Variants in MITF observed in about 807,000 individuals in gnomAD.
MITF encodes the protein melanocyte inducing transcription factor.
Under a neutral mutation model 60.5 loss-of-function variants are expected in MITF, and 17 were observed. The ratio of observed to expected loss-of-function variants is 0.28; its 90% CI spans 0.19 to 0.42. MITF has a LOEUF of 0.42. Ranked by LOEUF, MITF falls within the 10% of genes least tolerant of loss-of-function variation. The probability of loss-of-function intolerance (pLI) is 1.00; values close to 1 mark genes in which losing one functional copy is unlikely to be tolerated. For missense variants in MITF, 622 were observed against 683.5 expected (o/e 0.91, Z 1.00); for synonymous variants, 260 against 248.5 (o/e 1.05, Z -0.43).
chr3:69,818,138 T>A (rs1473117277), intron 1 of MITF, among the ~76,000 whole-genome samples: 2 of 152,232 alleles, frequency 1.3e-5, no homozygotes, highest in African/African-American at 2.4e-5. Flanking sequence ...TTAAGTCTAA[T>A]CTGTTCCCCT....
intron 1 of MITF, among the ~76,000 whole-genome samples, chr3:69,820,885 A>G (rs904865043): frequency 4.6e-5 from 7 of 152,022 alleles, no homozygotes; most frequent in African/African-American, 1.7e-4. Context: ...ATATATACAC[A>G]TTCAATAAAA....
At chr3:69,900,071 CTT>C (rs1342768033) in intron 2 of MITF, among the ~76,000 whole-genome samples, 1 of 152,054 alleles carries the variant, frequency 6.6e-6, no homozygotes, top group Non-Finnish European at 1.5e-5. Flanking sequence ...TCAAAGAAGT[CTT>C]TGCATATTAG....
At chr3:69,938,307 T>G (rs1230054106) in intron 3 of MITF, 7 of 1,529,442 alleles carry the variant, frequency 4.6e-6, no homozygotes, top group Non-Finnish European at 6.2e-6. Flanking sequence ...GCCACTTGCT[T>G]CTTCTTCCTT....
chr3:69,812,650 C>T (rs539304298), intron 1 of MITF, among the ~76,000 whole-genome samples: 1 of 152,224 alleles, frequency 6.6e-6, no homozygotes, highest in African/African-American at 2.4e-5. Context: ...AGATAGAGTT[C>T]AATTTTTTCA....
intron 3 of MITF, 105 bp downstream of exon 3, chr3:69,938,154 A>T: frequency 1.5e-6 from 2 of 1,311,324 alleles, no homozygotes; most frequent in South Asian, 1.3e-5. Context: ...CCTTGTGGCC[A>T]CATTTACCAG....
intron 1 of MITF, among the ~76,000 whole-genome samples, chr3:69,770,929 G>T (rs1030523361): frequency 1.3e-5 from 2 of 152,096 alleles, no homozygotes; most frequent in Non-Finnish European, 2.9e-5. Flanking sequence ...TCTAGGTGTG[G>T]GCTTAGCATT....
intron 2 of MITF, among the ~76,000 whole-genome samples, chr3:69,911,004 A>G (rs2065212382): frequency 6.6e-6 from 1 of 152,036 alleles, no homozygotes; most frequent in African/African-American, 2.4e-5. Flanking sequence ...CCAAATCTCA[A>G]CTTGAATTGT....
At chr3:69,766,652 T>A (rs979894459) in intron 1 of MITF, among the ~76,000 whole-genome samples, 8 of 152,178 alleles carry the variant, frequency 5.3e-5, no homozygotes, top group African/African-American at 1.9e-4. Flanking sequence ...TCTGTGCTGC[T>A]ACCTACTCAT....
In MITF at chr3:69,889,167, G is replaced by A. The variant is rs2064701277; in HGVS notation, c.354+9784G>A. 2.0e-5 allele frequency among the ~76,000 whole-genome samples: 3 copies of A among 150,236 alleles called. No individual in the cohort carries two copies. In the Admixed American group the frequency reaches 2.0e-4, roughly 10 times the overall value. ...CTCTTACCCTTAGTATCCAAGCACTGTAGTGCATTATAGTTTGAATGCCAG... is the reference window on the plus strand; with the variant it reads ...CTCTTACCCTTAGTATCCAAGCACTATAGTGCATTATAGTTTGAATGCCAG... On this transcript the variant is annotated intron_variant, in intron 2 of 9. Coordinates refer to ENST00000352241, the MANE Select transcript of MITF (RefSeq NM_001354604.2).
chr3:69,921,051 G>A (rs138343145), intron 2 of MITF, among the ~76,000 whole-genome samples: 2 of 152,184 alleles, frequency 1.3e-5, no homozygotes, highest in African/African-American at 2.4e-5. Context: ...TGTAGTTTTA[G>A]TAGAGACAGG....
At chr3:69,896,433 A>G (rs576635534) in intron 2 of MITF, among the ~76,000 whole-genome samples, 1 of 152,196 alleles carries the variant, frequency 6.6e-6, no homozygotes, top group Non-Finnish European at 1.5e-5. Context: ...CATTAGAAGC[A>G]TCTATACTTG....
At chr3:69,803,363 T>C (rs1322655600) in intron 1 of MITF, among the ~76,000 whole-genome samples, 3 of 152,196 alleles carry the variant, frequency 2.0e-5, no homozygotes, top group African/African-American at 7.2e-5. Flanking sequence ...GTTTTATCAT[T>C]TCATTGCAAG....
chr3:69,824,912 G>T (rs932295280), intron 1 of MITF, among the ~76,000 whole-genome samples: 7 of 152,236 alleles, frequency 4.6e-5, no homozygotes, highest in Non-Finnish European at 7.3e-5. Flanking sequence ...CCTGCCTCCA[G>T]ATTTCTGGCT....
chr3:69,757,769 A>G (rs1222986737), intron 1 of MITF, among the ~76,000 whole-genome samples: 3 of 152,090 alleles, frequency 2.0e-5, no homozygotes, highest in Non-Finnish European at 2.9e-5. Flanking sequence ...TTTGAGAATT[A>G]TGTGTAGGAT....
intron 4 of MITF, among the ~76,000 whole-genome samples, chr3:69,940,761 C>A (rs1247582882): frequency 1.3e-5 from 2 of 152,190 alleles, no homozygotes; most frequent in South Asian, 4.1e-4. Context: ...TGACAGCTGT[C>A]ATTCAAGATG....
intron 1 of MITF, among the ~76,000 whole-genome samples, chr3:69,855,168 C>A (rs544832739): frequency 6.6e-6 from 1 of 150,530 alleles, no homozygotes. Flanking sequence ...TTGCCCTAAA[C>A]CCCTCCTAAT....
Position 69,956,449 on chromosome 3 carries a change from T to C in MITF, c.956-6T>C, listed in dbSNP as rs1166421829. ...TAATAGCCTTTCCTGTGCTCTTTTC[T>C]TGAAGTTGAACGAAGAAGAAGATTT... On this transcript the variant is annotated splice_polypyrimidine_tract_variant and splice_region_variant and intron_variant, in intron 7 of 9. Transcript: ENST00000352241. 6.2e-7 allele frequency: 1 copy of C among 1,611,516 alleles called. No individual in the cohort carries two copies. Among genetic ancestry groups the C allele is most frequent in the African/African-American group, 1.3e-5 (1 of 74,850 alleles).
chr3:69,743,849 C>G (rs183537190), intron 1 of MITF, among the ~76,000 whole-genome samples: 9 of 152,164 alleles, frequency 5.9e-5, no homozygotes, highest in Admixed American at 5.9e-4. Flanking sequence ...TACCCAAAAA[C>G]ATTTTAAACC....
intron 1 of MITF, among the ~76,000 whole-genome samples, chr3:69,828,877 A>AT (rs71126465): frequency 0.35 from 52,435 of 151,502 alleles, 10,004 homozygotes; most frequent in Non-Finnish European, 0.43. Context: ...GCAGAGCTTT[A>AT]TTTTTTTTCA....
Sources: allele counts gnomAD v4.1 joint callset (sites outside exome capture counted in the v4.1 genomes callset), GRCh38; gene constraint gnomAD v4.1.1; transcripts MANE v1.5; gene names NCBI Gene and HGNC (gene_info 2026-07-23, HGNC 2026-07-21).